Variants in ZNF423 observed in about 807,000 individuals in gnomAD.
The protein encoded by ZNF423 is Ebf-associated zinc finger protein.
In ZNF423, 12 loss-of-function variants were observed where a neutral mutation model predicts 95.8. That is an observed-to-expected ratio of 0.13 (90% CI 0.08 to 0.20). ZNF423 has a LOEUF of 0.20. Among genes scored for constraint, ZNF423 ranks in the 10% least tolerant of loss-of-function variants. The pLI is 1.00. For missense variants in ZNF423, 1,316 were observed against 1,737.1 expected, an observed-to-expected ratio of 0.76 and a Z score of 4.31; for synonymous variants, 749 against 711.9, an observed-to-expected ratio of 1.05 and a Z score of -0.83.
intron 1 of ZNF423, chr16:49,854,353 G>A (rs2035333707): frequency 5.1e-6 from 5 of 985,428 alleles, no homozygotes; most frequent in Non-Finnish European, 4.8e-6. Context: ...GGGACTTCAG[G>A]AGGACAGAAC....
intron 3 of ZNF423, among the ~76,000 whole-genome samples, chr16:49,707,442 C>T (rs1596891367): frequency 1.3e-5 from 2 of 152,020 alleles, no homozygotes; most frequent in Non-Finnish European, 2.9e-5. Flanking sequence ...CTTGAAACCC[C>T]GTCTCTAATA....
chr16:49,521,774 G>A (rs953568770), intron 7 of ZNF423, among the ~76,000 whole-genome samples: 7 of 152,186 alleles, frequency 4.6e-5, no homozygotes, highest in Non-Finnish European at 7.3e-5. Flanking sequence ...GGTGCTCCTC[G>A]GGGCCAGCCC....
chr16:49,713,044 C>T (rs2032594194), intron 3 of ZNF423, among the ~76,000 whole-genome samples: 1 of 152,248 alleles, frequency 6.6e-6, no homozygotes. Context: ...CATTTGTACA[C>T]CTCCACTTGC....
At chr16:49,684,281 T>G (rs774354867) in intron 3 of ZNF423, among the ~76,000 whole-genome samples, 4 of 152,206 alleles carry the variant, frequency 2.6e-5, no homozygotes, top group Admixed American at 6.5e-5. Flanking sequence ...AATTTTTTTC[T>G]CAAAATACAA....
At chr16:49,689,329 G>A (rs934009667) in intron 3 of ZNF423, among the ~76,000 whole-genome samples, 4 of 151,664 alleles carry the variant, frequency 2.6e-5, no homozygotes, top group Non-Finnish European at 4.4e-5. Context: ...GTGGTGGTGC[G>A]TGCCTGTGGT....
rs116608297 is a variant in ZNF423, at chr16:49,739,331, C to A, written c.101-8360G>T. Among the ~76,000 whole-genome samples the A allele has an allele frequency of 7.2e-4, 109 of 152,232 alleles. 1 individual carries two copies. The highest frequency in any genetic ancestry group is 2.5e-3 in the African/African-American group (105 of 41,540). On this transcript the variant is annotated intron_variant, in intron 2 of 7. Transcript: ENST00000563137. ...AGACAAAAGCTGGAGGCGTCAAACC[C>A]GGAGGGGTCTGGCAGGAGGCCTCAC...
chr16:49,649,214 T>C (rs1423186465), intron 3 of ZNF423, among the ~76,000 whole-genome samples: 2 of 152,174 alleles, frequency 1.3e-5, no homozygotes, highest in East Asian at 1.9e-4. Context: ...GGTGGAGCCA[T>C]GAGCCATAGT....
chr16:49,602,928 G>T (rs1305824968), intron 5 of ZNF423, among the ~76,000 whole-genome samples: 1 of 152,212 alleles, frequency 6.6e-6, no homozygotes, highest in African/African-American at 2.4e-5. Context: ...GTTAACAGCG[G>T]AGCTGCCGGC....
At chr16:49,576,771 A>T (rs1970513429) in intron 5 of ZNF423, among the ~76,000 whole-genome samples, 1 of 152,206 alleles carries the variant, frequency 6.6e-6, no homozygotes, top group South Asian at 2.1e-4. Flanking sequence ...TTCCATTGGC[A>T]CTGGGTGTGA....
At chr16:49,776,267 C>A (rs1197314980) in intron 2 of ZNF423, among the ~76,000 whole-genome samples, 1 of 152,216 alleles carries the variant, frequency 6.6e-6, no homozygotes, top group Non-Finnish European at 1.5e-5. Flanking sequence ...GCTGAGCCGA[C>A]CCCCACTCCC....
At position 49,492,483 on chromosome 16, in the gene ZNF423, G is replaced by A. The variant is rs993826714; in HGVS notation, c.3850-1179C>T. On this transcript the variant is annotated intron_variant, in intron 7 of 7. Coordinates refer to ENST00000563137, the MANE Select transcript of ZNF423 (RefSeq NM_001379286.1). The surrounding 1 kb of genome is among the most constrained non-coding windows in gnomAD (Gnocchi z 4.2). The stretch of plus-strand genomic sequence containing the variant: ...TCGCCCGGAGGCCGAGGCCGGGGCC[G>A]GGGCCGGGGCCGGGGCCGAGACGGG... 2.1e-5 allele frequency among the ~76,000 whole-genome samples: 3 copies of A among 145,068 alleles called. No individual in the cohort carries two copies. Among genetic ancestry groups the A allele is most frequent in the Non-Finnish European group, 3.0e-5 (2 of 67,472 alleles).
rs117483939 is a variant in ZNF423 at position 49,621,308 on chromosome 16, T to C, written c.3601+4862A>G. Reference sequence around the variant, plus strand: ...CCTCATTCTCCATGCGGAGGGGGGATTTCAAAGGAGACCCTGCTATTGAAA... The same window carrying C: ...CCTCATTCTCCATGCGGAGGGGGGACTTCAAAGGAGACCCTGCTATTGAAA... On this transcript the variant is annotated intron_variant, in intron 5 of 7. Coordinates refer to ENST00000563137, the MANE Select transcript of ZNF423 (RefSeq NM_001379286.1). Among the ~76,000 whole-genome samples, 321 of 152,016 alleles carry C rather than the reference T, an allele frequency of 2.1e-3. 1 individual carries two copies. Among genetic ancestry groups the C allele is most frequent in the Non-Finnish European group, 2.5e-3 (171 of 67,940 alleles).
At chr16:49,577,198 GAA>G (rs1006138030) in intron 5 of ZNF423, among the ~76,000 whole-genome samples, 1 of 152,154 alleles carries the variant, frequency 6.6e-6, no homozygotes, top group Admixed American at 6.5e-5. Flanking sequence ...CCAAGAATGG[GAA>G]AGAGTTGTAG....
chr16:49,801,750 A>C (rs1357036103), intron 1 of ZNF423, among the ~76,000 whole-genome samples: 4 of 152,242 alleles, frequency 2.6e-5, no homozygotes, highest in African/African-American at 9.6e-5. Context: ...TTGAGAACCT[A>C]TGAGTAAGTA....
intron 5 of ZNF423, among the ~76,000 whole-genome samples, chr16:49,549,027 T>C (rs1451050635): frequency 6.6e-6 from 1 of 151,880 alleles, no homozygotes; most frequent in Non-Finnish European, 1.5e-5. Flanking sequence ...GTGGGATGAG[T>C]GGTGAAAAAA....
intron 3 of ZNF423, among the ~76,000 whole-genome samples, chr16:49,682,173 G>A (rs981987499): frequency 6.6e-6 from 1 of 151,936 alleles, no homozygotes; most frequent in African/African-American, 2.4e-5. Flanking sequence ...CTCCCAGAGG[G>A]TCTGTCCTGC....
intron 2 of ZNF423, among the ~76,000 whole-genome samples, chr16:49,781,652 C>T (rs2034214468): frequency 1.3e-5 from 2 of 152,278 alleles, no homozygotes; most frequent in African/African-American, 2.4e-5. Flanking sequence ...CACGGAGTGG[C>T]CTCGCCTCCC....
intron 3 of ZNF423, among the ~76,000 whole-genome samples, chr16:49,681,905 A>G (rs2031373434): frequency 6.6e-6 from 1 of 152,154 alleles, no homozygotes; most frequent in Non-Finnish European, 1.5e-5. Context: ...AGCTGGGACT[A>G]CAGGCACGCA....
In ZNF423 at chr16:49,716,468, C is replaced by T. The variant is rs547184825; in HGVS notation, c.301+14303G>A. On this transcript the variant is annotated intron_variant, in intron 3 of 7. Transcript: ENST00000563137. ...GCCTCAGTCTTCCCACATGCACCCT[C>T]ATACCCATGACGTCATTTCCAAAGG... Among the ~76,000 whole-genome samples the T allele has an allele frequency of 8.5e-5, 13 of 152,308 alleles. No homozygotes were observed. In the East Asian group the frequency reaches 9.6e-4, roughly 11 times the overall value.
Sources: gnomAD v4.1 joint callset for allele counts (sites outside exome capture counted in the v4.1 genomes callset) on GRCh38, gnomAD v4.1.1 for gene constraint, Gnocchi (gnomAD v3.1) non-coding constraint, MANE v1.5 for transcripts, NCBI Gene and HGNC (gene_info 2026-07-23, HGNC 2026-07-21) for gene names.